Variants in AQP4 observed in about 807,000 individuals in gnomAD.
The protein encoded by AQP4 is aquaporin 4, also known as aquaporin-4.
AQP4 carries 18 observed loss-of-function variants against 27.8 expected under a neutral mutation model. That is an observed-to-expected ratio of 0.65 (90% CI 0.45 to 0.96). The LOEUF (loss-of-function observed/expected upper bound fraction) is 0.96, where lower values mean the gene tolerates loss of function less well. Ranked by LOEUF, AQP4 falls within the 40% of genes least tolerant of loss-of-function variation. The probability of loss-of-function intolerance (pLI) is 0.00; values close to 1 mark genes in which losing one functional copy is unlikely to be tolerated. For missense variants in AQP4, 412 were observed against 408.2 expected, an observed-to-expected ratio of 1.01 and a Z score of -0.08; for synonymous variants, 141 against 142.9, an observed-to-expected ratio of 0.99 and a Z score of 0.10.
In AQP4 at chr18:26,856,200, C is replaced by A. The variant is rs373131318; in HGVS notation, c.*11G>T. The A allele has an allele frequency of 1.9e-6, 3 of 1,614,030 alleles. No homozygotes were observed. The highest frequency in any genetic ancestry group is 2.2e-5 in the East Asian group (1 of 44,886). On this transcript the variant is annotated 3_prime_UTR_variant, in exon 5 of 5. Transcript: ENST00000383168. ...TAAGGAGTCTTGTCTGCTTTCAGTGCGATCTTCTAGTCATACTGAAGACAA... is the reference window on the plus strand; with the variant it reads ...TAAGGAGTCTTGTCTGCTTTCAGTGAGATCTTCTAGTCATACTGAAGACAA...
At chr18:26,863,607 C>T (rs1031251415) in intron 1 of AQP4, among the ~76,000 whole-genome samples, 2 of 152,212 alleles carry the variant, frequency 1.3e-5, no homozygotes, top group African/African-American at 2.4e-5. Context: ...TGCAGATAAA[C>T]CTGCCAAAGG....
At position 26,865,331 on chromosome 18, in the gene AQP4, T is replaced by C. The variant is rs577647188; in HGVS notation, c.32+327A>G. ...TTACTTTCTAGCTGAACACTCAGCT[T>C]CATCCACTCCAGGACAGCTGAGCGT... On this transcript the variant is annotated intron_variant, in intron 1 of 4. Transcript: ENST00000383168. The C allele has an allele frequency of 1.9e-4, 85 of 451,802 alleles. 1 individual carries two copies. Among genetic ancestry groups the C allele is most frequent in the South Asian group, 1.8e-3 (81 of 45,426 alleles). The allele number at this position is 451,802 out of a possible 1,614,324, so 28.0% of individuals were successfully genotyped here.
Position 26,860,803 on chromosome 18 carries a change from G to T in AQP4, c.662C>A (p.Ala221Glu), listed in dbSNP as rs2054927406. ...GTTTTCCCAATTTCCCATGATAACT[G>T]CAGGTCCAAAGGATCGGGCGGGATT... ...SMNPARSFGP[A>E]VIMGNWENHW... Residue 221 changes from alanine to glutamate, a missense_variant, in exon 4 of 5, where the codon GCA becomes GAA. By Grantham distance (107) the Ala-to-Glu change is moderately radical. Transcript: ENST00000383168. The T allele has an allele frequency of 6.2e-7, 1 of 1,614,108 alleles. No individual in the cohort carries two copies. Among genetic ancestry groups the T allele is most frequent in the Non-Finnish European group, 8.5e-7 (1 of 1,179,956 alleles).
rs762166320 is a variant in AQP4 at position 26,862,212 on chromosome 18, G to T, written c.417C>A (p.Pro139=). ...TGACTCCCAGGCCTCCCACCACACT[G>T]GGAGGTGTGACCAGATAGAGGATTC... is the stretch of plus-strand genomic sequence containing the variant. ...GAGILYLVTP[P]SVVGGLGVTM... The change falls in exon 2 of 5, where the codon CCC becomes CCA. Residue 139 remains proline (P), a synonymous_variant. Transcript: ENST00000383168. 5 of 1,614,150 alleles carry T rather than the reference G, an allele frequency of 3.1e-6. No individual in the cohort carries two copies. In the South Asian group the frequency reaches 5.5e-5, roughly 18 times the overall value.
rs1265392557 is a variant in AQP4 at position 26,861,223 on chromosome 18, T to C, written c.520A>G (p.Ile174Val). Reference protein sequence around the residue: ...LIITFQLVFTIFASCDSKRTD... With the variant: ...LIITFQLVFTVFASCDSKRTD... ...CGTTTGGAATCACAGCTGGCAAAGA[T>C]AGTAAACACCAATTGAAATGTGATT... The change falls in exon 3 of 5, where the codon ATC becomes GTC. Residue 174 changes from isoleucine to valine, a missense_variant. Ile to Val is a conservative substitution (Grantham distance 29). Transcript: ENST00000383168. 1.2e-6 allele frequency: 2 copies of C among 1,614,080 alleles called. No homozygotes were observed. The highest frequency in any genetic ancestry group is 1.7e-6 in the Non-Finnish European group (2 of 1,179,940).
rs537111680 is a variant in AQP4 at position 26,854,449 on chromosome 18, T to C, written c.*1762A>G. On this transcript the variant is annotated 3_prime_UTR_variant, in exon 5 of 5. Coordinates refer to ENST00000383168, the MANE Select transcript of AQP4 (RefSeq NM_001650.7). ...CAGCCAGGAAGTAACTATGTGTCAC[T>C]GGCGCAGTGTGTGGTGTGGCCACGC... 2.0e-5 allele frequency: 3 copies of C among 152,626 alleles called. No homozygotes were observed. In the South Asian group the frequency reaches 6.2e-4, roughly 32 times the overall value. 9.5% of individuals were successfully genotyped at this position (152,626 alleles called of 1,614,324 possible).
rs766502887 is a variant in AQP4 at position 26,862,561 on chromosome 18, A to AT, written c.67dup (p.Met23AsnfsTer141). ...AGTCCAGACCCCTTTGAAAGCCACC[A>AT]TGATGTTCTCTCTGGTACACAAAGG... On this transcript the variant is annotated frameshift_variant, in exon 2 of 5. Transcript: ENST00000383168. LOFTEE classifies it high-confidence loss of function. 6.2e-7 allele frequency: 1 copy of AT among 1,614,142 alleles called. No individual in the cohort carries two copies. Among genetic ancestry groups the AT allele is most frequent in the South Asian group, 1.1e-5 (1 of 91,076 alleles).
intron 4 of AQP4, among the ~76,000 whole-genome samples, chr18:26,860,318 A>G (rs982807214): frequency 6.6e-6 from 1 of 152,242 alleles, no homozygotes; most frequent in Non-Finnish European, 1.5e-5. Flanking sequence ...AAGGGTAAAT[A>G]TCTTTGCTAT....
intron 4 of AQP4, among the ~76,000 whole-genome samples, chr18:26,859,697 T>C (rs946258431): frequency 6.6e-6 from 1 of 152,228 alleles, no homozygotes; most frequent in African/African-American, 2.4e-5. Context: ...TTTAATGCTG[T>C]AGATTACTTT....
chr18:26,865,583 A>T, intron 1 of AQP4, 75 bp downstream of exon 1: 1 of 1,601,924 alleles, frequency 6.2e-7, no homozygotes, highest in South Asian at 1.1e-5. Flanking sequence ...AAGAAGGCAC[A>T]AACATCTATA....
rs751494407 is a variant in AQP4 at position 26,862,335 on chromosome 18, A to C, written c.294T>G (p.Pro98=). ...FGHISGGHIN[P]AVTVAMVCTR... ...TGCACACCATGGCCACAGTCACTGCAGGGTTGATGTGGCCACCGCTGATAT... is the reference window on the plus strand; with the variant it reads ...TGCACACCATGGCCACAGTCACTGCCGGGTTGATGTGGCCACCGCTGATAT... Residue 98 remains proline (P), a synonymous_variant, in exon 2 of 5, where the codon CCT becomes CCG. Coordinates refer to ENST00000383168, the MANE Select transcript of AQP4 (RefSeq NM_001650.7). 1.5e-5 allele frequency: 24 copies of C among 1,614,104 alleles called. No homozygotes were observed. Among genetic ancestry groups the C allele is most frequent in the Non-Finnish European group, 1.7e-5 (20 of 1,180,038 alleles).
At position 26,861,244 on chromosome 18, in the gene AQP4, T is replaced by G; in HGVS notation, c.499A>C (p.Thr167Pro). The G allele has an allele frequency of 6.2e-7, 1 of 1,614,096 alleles. No individual in the cohort carries two copies. Among genetic ancestry groups the G allele is most frequent in the Non-Finnish European group, 8.5e-7 (1 of 1,179,944 alleles). Residue 167 changes from threonine (T) to proline (P), a missense_variant, in exon 3 of 5, where the codon ACA becomes CCA. By Grantham distance (38) the Thr-to-Pro change is conservative (BLOSUM62 -1). Coordinates refer to ENST00000383168, the MANE Select transcript of AQP4 (RefSeq NM_001650.7). ...AAGATAGTAAACACCAATTGAAATGTGATTATCAACTCAACCAGGAGACCA... is the reference window on the plus strand; with the variant it reads ...AAGATAGTAAACACCAATTGAAATGGGATTATCAACTCAACCAGGAGACCA... ...GHGLLVELII[T>P]FQLVFTIFAS... is the part of the protein sequence containing the mutation.
In AQP4 at chr18:26,861,172, A is replaced by C; in HGVS notation, c.571T>G (p.Leu191Val). ...KRTDVTGSIA[L>V]AIGFSVAIGH... ...ATTGCAACAGAAAATCCAATTGCTA[A>C]AGCTATTGAGCCAGTGACATCAGTC... is the stretch of plus-strand genomic sequence containing the variant. Residue 191 changes from leucine to valine, a missense_variant, in exon 3 of 5, where the codon TTA (leucine) becomes GTA (valine). By Grantham distance (32) the Leu-to-Val change is conservative. Coordinates refer to ENST00000383168, the MANE Select transcript of AQP4 (RefSeq NM_001650.7). The C allele has an allele frequency of 2.5e-6, 4 of 1,614,126 alleles. No individual in the cohort carries two copies. The highest frequency in any genetic ancestry group is 3.4e-6 in the Non-Finnish European group (4 of 1,179,986).
intron 4 of AQP4, among the ~76,000 whole-genome samples, chr18:26,858,610 C>T (rs1368548791): frequency 6.6e-6 from 1 of 152,146 alleles, no homozygotes; most frequent in Non-Finnish European, 1.5e-5. Flanking sequence ...GAAATGAGAG[C>T]CCTCCTCTAA....
In AQP4 at chr18:26,862,362, G is replaced by A; in HGVS notation, c.267C>T (p.Gly89=). The A allele has an allele frequency of 1.9e-6, 3 of 1,614,204 alleles. No homozygotes were observed. The highest frequency in any genetic ancestry group is 2.5e-6 in the Non-Finnish European group (3 of 1,180,048). The change falls in exon 2 of 5, where the codon GGC becomes GGT. Residue 89 remains glycine (G), a synonymous_variant. Coordinates refer to ENST00000383168, the MANE Select transcript of AQP4 (RefSeq NM_001650.7). ...LSIATMVQCF[G]HISGGHINPA... is the part of the protein sequence containing the mutation. ...GGTTGATGTGGCCACCGCTGATATGGCCAAAGCACTGCACCATGGTTGCAA... is the reference window on the plus strand; with the variant it reads ...GGTTGATGTGGCCACCGCTGATATGACCAAAGCACTGCACCATGGTTGCAA...
At chr18:26,860,926 G>A in intron 3 of AQP4, 74 bp from the exon 4 acceptor site, 1 of 1,484,862 alleles carries the variant, frequency 6.7e-7, no homozygotes, top group Non-Finnish European at 9.4e-7. Context: ...ATTGCAATTT[G>A]CTGTCATTTG....
Position 26,862,197 on chromosome 18 carries a change from G to T in AQP4, c.432C>A (p.Gly144=). The T allele has an allele frequency of 1.9e-6, 3 of 1,614,090 alleles. No individual in the cohort carries two copies. The highest frequency in any genetic ancestry group is 2.5e-6 in the Non-Finnish European group (3 of 1,179,978). The change falls in exon 2 of 5, where the codon GGC becomes GGA. Residue 144 remains glycine (G), a synonymous_variant. Coordinates refer to ENST00000383168, the MANE Select transcript of AQP4 (RefSeq NM_001650.7). ...YLVTPPSVVG[G]LGVTMVHGNL... Reference sequence around the variant, plus strand: ...AAGATGCTACCATGGTGACTCCCAGGCCTCCCACCACACTGGGAGGTGTGA... The same window carrying T: ...AAGATGCTACCATGGTGACTCCCAGTCCTCCCACCACACTGGGAGGTGTGA...
At chr18:26,861,841 GT>G (rs906573451) in intron 2 of AQP4, among the ~76,000 whole-genome samples, 3 of 151,890 alleles carry the variant, frequency 2.0e-5, no homozygotes, top group Admixed American at 6.6e-5. Context: ...CAAGAAAATA[GT>G]TTTTTTCTGC....
intron 4 of AQP4, among the ~76,000 whole-genome samples, chr18:26,859,656 C>T (rs1224929734): frequency 1.3e-5 from 2 of 152,146 alleles, no homozygotes; most frequent in East Asian, 3.8e-4. Context: ...TTGGCTAAGT[C>T]TTGGTTTGAA....
Sources: allele counts gnomAD v4.1 joint callset (sites outside exome capture counted in the v4.1 genomes callset), GRCh38; gene constraint gnomAD v4.1.1; transcripts MANE v1.5; gene names NCBI Gene and HGNC (gene_info 2026-07-23, HGNC 2026-07-21).